The following RORA variants were observed in gnomAD, a reference collection of about 807,000 sequenced individuals.
The protein encoded by RORA is nuclear receptor ROR-alpha.
In RORA, 7 loss-of-function variants were observed where a neutral mutation model predicts 69.5. The observed-to-expected ratio is 0.10, with a 90% CI of 0.06 to 0.19. The LOEUF is 0.19. RORA is among the 10% of genes least tolerant of loss of function. RORA has a pLI of 1.00. For missense variants in RORA, 457 were observed against 663.0 expected (o/e 0.69, Z 3.41); for synonymous variants, 261 against 240.8 (o/e 1.08, Z -0.78).
At chr15:60,665,895 G>A (rs1314526360) in intron 2 of RORA, among the ~76,000 whole-genome samples, 1 of 152,048 alleles carries the variant, frequency 6.6e-6, no homozygotes, top group Non-Finnish European at 1.5e-5. Flanking sequence ...GGCTGGTCTC[G>A]AACTCCTGAC....
At chr15:60,849,808 G>C (rs1202939497) in intron 1 of RORA, among the ~76,000 whole-genome samples, 1 of 152,190 alleles carries the variant, frequency 6.6e-6, no homozygotes, top group Admixed American at 6.5e-5. Context: ...TGGGATTTCA[G>C]TTGGGCCCAT....
At chr15:60,923,731 G>T (rs1031656338) in intron 1 of RORA, among the ~76,000 whole-genome samples, 1 of 152,134 alleles carries the variant, frequency 6.6e-6, no homozygotes, top group East Asian at 1.9e-4. Context: ...TGTTTTTCCC[G>T]TTGCCCCATA....
chr15:60,824,199 G>C (rs1327611599), intron 1 of RORA, among the ~76,000 whole-genome samples: 1 of 152,288 alleles, frequency 6.6e-6, no homozygotes, highest in East Asian at 1.9e-4. Flanking sequence ...GAGGATCTTT[G>C]TGAATGAGGA....
intron 1 of RORA, among the ~76,000 whole-genome samples, chr15:60,749,853 C>A (rs1595683579): frequency 6.6e-6 from 1 of 152,066 alleles, no homozygotes; most frequent in East Asian, 1.9e-4. Context: ...CATAGTGAGA[C>A]CCCGTCTCTA....
chr15:60,823,450 CT>C (rs2072920137), intron 1 of RORA, among the ~76,000 whole-genome samples: 1 of 152,188 alleles, frequency 6.6e-6, no homozygotes, highest in South Asian at 2.1e-4. Flanking sequence ...CCTTTGCCTC[CT>C]CCCAACCTCA....
chr15:60,552,880 T>A (rs2067262111), intron 2 of RORA, among the ~76,000 whole-genome samples: 1 of 152,210 alleles, frequency 6.6e-6, no homozygotes. Context: ...GGTCAGCACA[T>A]GGACCTCTCC....
chr15:60,805,196 C>G (rs780307710), intron 1 of RORA, among the ~76,000 whole-genome samples: 4 of 152,224 alleles, frequency 2.6e-5, no homozygotes, highest in Non-Finnish European at 5.9e-5. Context: ...CCACTCTCCT[C>G]TGACACGCAA....
At chr15:61,037,406 A>G (rs1317149557) in intron 1 of RORA, among the ~76,000 whole-genome samples, 1 of 152,220 alleles carries the variant, frequency 6.6e-6, no homozygotes, top group East Asian at 1.9e-4. Context: ...TCATTTCAGT[A>G]CGGTCAGCAC....
At chr15:61,197,624 G>C (rs773289858) in intron 1 of RORA, among the ~76,000 whole-genome samples, 1 of 152,198 alleles carries the variant, frequency 6.6e-6, no homozygotes, top group Non-Finnish European at 1.5e-5. Flanking sequence ...TCCGTCAGGT[G>C]AGGCTGAGAG....
chr15:61,029,656 C>T (rs756363201), intron 1 of RORA, among the ~76,000 whole-genome samples: 34 of 152,102 alleles, frequency 2.2e-4, no homozygotes, highest in African/African-American at 3.4e-4. Flanking sequence ...GTTAAATCAA[C>T]AGGACAGGGT....
chr15:60,787,233 G>T (rs2072347603), intron 1 of RORA, among the ~76,000 whole-genome samples: 1 of 152,230 alleles, frequency 6.6e-6, no homozygotes, highest in South Asian at 2.1e-4. Context: ...CTGCCACCAA[G>T]CCTGCGAGCT....
chr15:60,782,234 G>GA (rs1252356877), intron 1 of RORA, among the ~76,000 whole-genome samples: 13 of 150,592 alleles, frequency 8.6e-5, no homozygotes, highest in East Asian at 1.9e-4. Context: ...AGCAAAAAAA[G>GA]AAAAAAAAAG....
At chr15:61,050,574 G>A (rs1052426494) in intron 1 of RORA, among the ~76,000 whole-genome samples, 2 of 152,182 alleles carry the variant, frequency 1.3e-5, no homozygotes, top group African/African-American at 2.4e-5. Flanking sequence ...ACAACTGGGG[G>A]GCAAGAGATG....
chr15:61,005,431 G>A (rs572955442), intron 1 of RORA, among the ~76,000 whole-genome samples: 1 of 152,302 alleles, frequency 6.6e-6, no homozygotes, highest in Non-Finnish European at 1.5e-5. Flanking sequence ...GGTGAGCTGA[G>A]ACCGTGCCAC....
intron 1 of RORA, among the ~76,000 whole-genome samples, chr15:60,691,706 C>A (rs1227090740): frequency 6.6e-6 from 1 of 152,122 alleles, no homozygotes; most frequent in African/African-American, 2.4e-5. Flanking sequence ...AAAGGTCAGG[C>A]AATCAATAGA....
intron 2 of RORA, chr15:60,627,562 A>G (rs1414359658): frequency 7.4e-7 from 1 of 1,345,920 alleles, no homozygotes; most frequent in Non-Finnish European, 9.5e-7. Flanking sequence ...CCCAGCCACA[A>G]AGAATGAGGT....
At chr15:60,644,381 G>A (rs2069998789) in intron 2 of RORA, among the ~76,000 whole-genome samples, 1 of 152,204 alleles carries the variant, frequency 6.6e-6, no homozygotes. Flanking sequence ...TTCATTGAAA[G>A]TCGTCTCCTG....
chr15:60,819,767 A>ACACACACACACG (rs1555455764), intron 1 of RORA, among the ~76,000 whole-genome samples: 1 of 147,532 alleles, frequency 6.8e-6, no homozygotes, highest in African/African-American at 2.5e-5. Context: ...ACACACACAC[A>ACACACACACACG]CACACACACA....
At position 61,001,827 on chromosome 15, in the gene RORA, GA is replaced by G. The variant is rs532066887; in HGVS notation, c.166+227225del. On this transcript the variant is annotated intron_variant, in intron 1 of 10. Coordinates refer to ENST00000335670, the MANE Select transcript of RORA (RefSeq NM_134261.3). ...GAGGGGTTACTTCTATGTGGCCAAGGAAAAAAGAACTCTCTGAGGAAGGGGC... is the reference window on the plus strand; with the variant it reads ...GAGGGGTTACTTCTATGTGGCCAAGGAAAAAGAACTCTCTGAGGAAGGGGC... Among the ~76,000 whole-genome samples the G allele has an allele frequency of 3.3e-5, 5 of 152,166 alleles. 1 individual carries two copies. The highest frequency in any genetic ancestry group is 7.4e-5 in the Non-Finnish European group (5 of 68,012).
Sources: allele counts gnomAD v4.1 joint callset (sites outside exome capture counted in the v4.1 genomes callset), GRCh38; gene constraint gnomAD v4.1.1; transcripts MANE v1.5; gene names NCBI Gene and HGNC (gene_info 2026-07-23, HGNC 2026-07-21).